Variants in UBL3 observed in about 807,000 individuals in gnomAD.
UBL3 encodes the protein ubiquitin like 3.
A neutral mutation model predicts 18.4 loss-of-function variants in UBL3; 6 were observed. The observed-to-expected ratio is 0.33, with a 90% CI of 0.18 to 0.64. The LOEUF is 0.64. Among genes scored for constraint, UBL3 ranks in the 30% least tolerant of loss-of-function variants. The probability of loss-of-function intolerance (pLI) is 0.76; values close to 1 mark genes in which losing one functional copy is unlikely to be tolerated. For missense variants in UBL3, 109 were observed against 142.9 expected (o/e 0.76, Z 1.21); for synonymous variants, 49 against 46.6 (o/e 1.05, Z -0.21).
chr13:29,843,291 TTTTAC>T (rs1241895196), intron 1 of UBL3, among the ~76,000 whole-genome samples: 14 of 152,196 alleles, frequency 9.2e-5, no homozygotes, highest in Non-Finnish European at 1.8e-4. Context: ...AAAATTTTGT[TTTTAC>T]TTTACTATTT....
At chr13:29,780,353 C>CAAAAAAAAAAAA (rs71746248) in intron 1 of UBL3, among the ~76,000 whole-genome samples, 14 of 8,402 alleles carry the variant, frequency 1.7e-3, no homozygotes, top group Non-Finnish European at 1.8e-3. Context: ...GACTCTGTCT[C>CAAAAAAAAAAAA]AAAAAAAAAA....
intron 2 of UBL3, among the ~76,000 whole-genome samples, chr13:29,776,669 G>A (rs1186181668): frequency 1.3e-5 from 2 of 151,626 alleles, no homozygotes; most frequent in African/African-American, 4.8e-5. Flanking sequence ...TCAAGAGATC[G>A]AGACCATCCT....
At chr13:29,823,131 A>C (rs1878515037) in intron 1 of UBL3, among the ~76,000 whole-genome samples, 1 of 152,162 alleles carries the variant, frequency 6.6e-6, no homozygotes, top group African/African-American at 2.4e-5. Flanking sequence ...ACCAAATAGT[A>C]AATTTAGTTT....
At chr13:29,773,534 A>G (rs981624918) in intron 2 of UBL3, among the ~76,000 whole-genome samples, 26 of 152,178 alleles carry the variant, frequency 1.7e-4, no homozygotes, top group African/African-American at 6.0e-4. Flanking sequence ...AATGACAGTA[A>G]TTGTTTAATT....
chr13:29,795,659 C>G (rs1017523565), intron 1 of UBL3, among the ~76,000 whole-genome samples: 11 of 150,310 alleles, frequency 7.3e-5, no homozygotes, highest in South Asian at 2.1e-4. Context: ...GCAGCTTGTG[C>G]CTGTAATCGC....
chr13:29,786,331 A>C lies in UBL3; in HGVS notation c.28-9068T>G, dbSNP rs1048169740. The stretch of plus-strand genomic sequence containing the variant: ...AACTGTTAATTTCTTACTTGCCCCA[A>C]GGCCTTTACACAGGTTTTTCCTTCT... On this transcript the variant is annotated intron_variant, in intron 1 of 4. Coordinates refer to ENST00000380680, the MANE Select transcript of UBL3 (RefSeq NM_007106.4). Among the ~76,000 whole-genome samples, 7 of 152,352 alleles carry C rather than the reference A, an allele frequency of 4.6e-5. 1 individual carries two copies. The highest frequency in any genetic ancestry group is 7.4e-5 in the Non-Finnish European group (5 of 68,026).
intron 1 of UBL3, among the ~76,000 whole-genome samples, chr13:29,847,912 A>G (rs1373757224): frequency 6.6e-6 from 1 of 152,166 alleles, no homozygotes; most frequent in Non-Finnish European, 1.5e-5. Context: ...CCAGAAGAGA[A>G]GCGAAAACTA....
chr13:29,778,213 G>GATA (rs1877052330), intron 1 of UBL3, among the ~76,000 whole-genome samples: 3 of 152,172 alleles, frequency 2.0e-5, no homozygotes, highest in Admixed American at 1.3e-4. Context: ...CAACCTCAGT[G>GATA]ATAACCCTAA....
intron 1 of UBL3, among the ~76,000 whole-genome samples, chr13:29,814,122 ATCTT>A (rs975457897): frequency 6.6e-6 from 1 of 152,128 alleles, no homozygotes; most frequent in Admixed American, 6.6e-5. Flanking sequence ...CTAATTTAGA[ATCTT>A]TCTTTTTTTT....
In UBL3 at chr13:29,850,388, T is replaced by TTCCCC. The variant is rs965801907; in HGVS notation, c.-855_-851dup. 1 of 153,358 alleles carries TTCCCC rather than the reference T, an allele frequency of 6.5e-6. No individual in the cohort carries two copies. Among genetic ancestry groups the TTCCCC allele is most frequent in the Non-Finnish European group, 1.5e-5 (1 of 68,360 alleles). 9.5% of individuals were successfully genotyped at this position (153,358 alleles called of 1,614,324 possible). A position where few individuals can be genotyped will look rare whatever the true frequency, so the allele number is the denominator to read the frequency against. On this transcript the variant is annotated 5_prime_UTR_variant, in exon 1 of 5. Coordinates refer to ENST00000380680, the MANE Select transcript of UBL3 (RefSeq NM_007106.4). ...CCGCCTCCCCGGTCTCCGCCTTCCCTTCCCCTCCCCTCCCCGGCCTCGCGA... is the reference window on the plus strand; with the variant it reads ...CCGCCTCCCCGGTCTCCGCCTTCCCTTCCCCTCCCCTCCCCTCCCCGGCCTCGCGA...
At chr13:29,835,107 AATAT>A (rs777840058) in intron 1 of UBL3, among the ~76,000 whole-genome samples, 9 of 23,786 alleles carry the variant, frequency 3.8e-4, no homozygotes, top group African/African-American at 8.0e-4. Flanking sequence ...TATATATATA[AATAT>A]ATATATATAT....
intron 2 of UBL3, among the ~76,000 whole-genome samples, chr13:29,774,404 C>T (rs1876926242): frequency 1.3e-5 from 2 of 151,960 alleles, no homozygotes; most frequent in African/African-American, 2.4e-5. Flanking sequence ...GACCGCTCCC[C>T]CCAAAAAAAA....
intron 1 of UBL3, among the ~76,000 whole-genome samples, chr13:29,829,288 T>A (rs960155973): frequency 3.3e-5 from 5 of 152,110 alleles, no homozygotes; most frequent in Non-Finnish European, 7.4e-5. Flanking sequence ...CCCCCAGAGG[T>A]AGAGTCTACA....
chr13:29,810,921 A>C (rs1878059218), intron 1 of UBL3, among the ~76,000 whole-genome samples: 1 of 152,086 alleles, frequency 6.6e-6, no homozygotes, highest in Admixed American at 6.6e-5. Flanking sequence ...TTGGGCCTTT[A>C]CAATAAAGAC....
In UBL3 at chr13:29,777,248, T is replaced by C. The variant is rs532141514; in HGVS notation, c.43A>G (p.Ile15Val). Residue 15 changes from isoleucine (I) to valine (V), a missense_variant, in exon 2 of 5, where the codon ATT (isoleucine) becomes GTT (valine). Physicochemically the swap from Ile to Val is conservative, Grantham distance 29 (BLOSUM62 3). Transcript: ENST00000380680. ...VPADMINLRL[I>V]LVSGKTKEFL... ...TCTTTTGTTTTTCCGCTTACCAAAA[T>C]GAGGCGCAAATTTATCTGAAAGAAG... The C allele has an allele frequency of 4.4e-5, 70 of 1,607,718 alleles. No homozygotes were observed. Among genetic ancestry groups the C allele is most frequent in the Non-Finnish European group, 5.4e-5 (63 of 1,177,280 alleles).
chr13:29,837,983 A>T (rs1210161117), intron 1 of UBL3, among the ~76,000 whole-genome samples: 1 of 151,056 alleles, frequency 6.6e-6, no homozygotes, highest in Non-Finnish European at 1.5e-5. Flanking sequence ...TAGTAAGCCA[A>T]AGATTGACTC....
chr13:29,777,071 A>AT, intron 2 of UBL3, 84 bp downstream of exon 2: 1 of 1,095,484 alleles, frequency 9.1e-7, no homozygotes, highest in Non-Finnish European at 1.3e-6. Flanking sequence ...TTTAAATGTT[A>AT]TATAACAGTT....
rs965801907 is a variant in UBL3 at position 29,850,388 on chromosome 13, TTCCCC to T, written c.-855_-851del. 1 of 153,478 alleles carries T rather than the reference TTCCCC, an allele frequency of 6.5e-6. No individual in the cohort carries two copies. Among genetic ancestry groups the T allele is most frequent in the Non-Finnish European group, 1.5e-5 (1 of 68,352 alleles). 9.5% of individuals were successfully genotyped at this position (153,478 alleles called of 1,614,324 possible). On this transcript the variant is annotated 5_prime_UTR_variant, in exon 1 of 5. Coordinates refer to ENST00000380680, the MANE Select transcript of UBL3 (RefSeq NM_007106.4). ...CCGCCTCCCCGGTCTCCGCCTTCCC[TTCCCC>T]TCCCCTCCCCGGCCTCGCGAGCTCC...
intron 1 of UBL3, among the ~76,000 whole-genome samples, chr13:29,781,797 A>T (rs979349615): frequency 3.4e-5 from 5 of 148,540 alleles, no homozygotes; most frequent in African/African-American, 1.3e-4. Flanking sequence ...CAGCCTAGGC[A>T]ACAAATTGCG....
Sources: allele counts gnomAD v4.1 joint callset (sites outside exome capture counted in the v4.1 genomes callset), GRCh38; gene constraint gnomAD v4.1.1; transcripts MANE v1.5; gene names NCBI Gene and HGNC (gene_info 2026-07-23, HGNC 2026-07-21).